The following ROBO2 variants were observed in gnomAD, a reference collection of about 807,000 sequenced individuals.
ROBO2 encodes roundabout guidance receptor 2.
ROBO2 carries 53 observed loss-of-function variants against 160.8 expected under a neutral mutation model. The observed-to-expected ratio is 0.33, with a 90% CI of 0.26 to 0.41. The LOEUF is 0.41. Ranked by LOEUF, ROBO2 falls within the 10% of genes least tolerant of loss-of-function variation. The probability of loss-of-function intolerance (pLI) is 1.00; values close to 1 mark genes in which losing one functional copy is unlikely to be tolerated. For missense variants in ROBO2, 1,577 were observed against 1,722.4 expected (o/e 0.92, Z 1.49); for synonymous variants, 664 against 611.7 (o/e 1.09, Z -1.26).
intron 2 of ROBO2, among the ~76,000 whole-genome samples, chr3:76,546,664 A>T (rs987585991): frequency 1.3e-5 from 2 of 151,890 alleles, no homozygotes; most frequent in African/African-American, 2.4e-5. Context: ...TAACCTCCTC[A>T]ATTTATGGCA....
At chr3:76,830,613 T>C (rs1447021595) in intron 2 of ROBO2, among the ~76,000 whole-genome samples, 1 of 152,102 alleles carries the variant, frequency 6.6e-6, no homozygotes, top group African/African-American at 2.4e-5. Flanking sequence ...TTCTCTCCTC[T>C]ATGACTTTCC....
chr3:77,268,028 G>A, intron 2 of ROBO2, among the ~76,000 whole-genome samples: 1 of 152,180 alleles, frequency 6.6e-6, no homozygotes, highest in Admixed American at 6.5e-5. Flanking sequence ...GCAAATTGTT[G>A]TAAAATGCTG....
At chr3:76,073,732 G>C (rs1254332702) in intron 2 of ROBO2, among the ~76,000 whole-genome samples, 2 of 152,152 alleles carry the variant, frequency 1.3e-5, no homozygotes, top group African/African-American at 4.8e-5. Context: ...AGTGAGCTTT[G>C]AATTTATGTC....
At chr3:76,343,159 CAA>C (rs1263608095) in intron 2 of ROBO2, among the ~76,000 whole-genome samples, 1 of 152,022 alleles carries the variant, frequency 6.6e-6, no homozygotes, top group Non-Finnish European at 1.5e-5. Context: ...GCTAATATTA[CAA>C]ACCTCTACGT....
At chr3:76,367,458 A>G (rs943473535) in intron 2 of ROBO2, among the ~76,000 whole-genome samples, 2 of 151,966 alleles carry the variant, frequency 1.3e-5, no homozygotes, top group Non-Finnish European at 1.5e-5. Context: ...ATTGCGGGAT[A>G]CTAGAGATAA....
chr3:76,361,061 A>C, intron 2 of ROBO2, among the ~76,000 whole-genome samples: 1 of 152,088 alleles, frequency 6.6e-6, no homozygotes, highest in Non-Finnish European at 1.5e-5. Flanking sequence ...TTCTATTAGT[A>C]ATTTTTTTCA....
At chr3:76,466,583 CAA>C (rs1415537750) in intron 2 of ROBO2, among the ~76,000 whole-genome samples, 1 of 151,824 alleles carries the variant, frequency 6.6e-6, no homozygotes, top group Non-Finnish European at 1.5e-5. Context: ...ATCTGATAAT[CAA>C]TATTTTTATT....
chr3:76,832,540 G>A (rs1246767388), intron 2 of ROBO2, among the ~76,000 whole-genome samples: 1 of 152,088 alleles, frequency 6.6e-6, no homozygotes, highest in Non-Finnish European at 1.5e-5. Context: ...CTTGAGAAAG[G>A]GAACTTTCAT....
chr3:75,912,204 C>A (rs545358208), intron 1 of ROBO2, among the ~76,000 whole-genome samples: 1 of 152,276 alleles, frequency 6.6e-6, no homozygotes, highest in Non-Finnish European at 1.5e-5. Flanking sequence ...GATCACAGGA[C>A]AAAGTTTGAT....
intron 2 of ROBO2, among the ~76,000 whole-genome samples, chr3:76,113,844 C>T (rs555701614): frequency 3.9e-5 from 6 of 152,204 alleles, no homozygotes; most frequent in African/African-American, 1.4e-4. Flanking sequence ...GCTTGGCGCA[C>T]TCCCTGTGGT....
At chr3:76,497,605 G>C (rs2080223698) in intron 2 of ROBO2, among the ~76,000 whole-genome samples, 1 of 152,202 alleles carries the variant, frequency 6.6e-6, no homozygotes, top group African/African-American at 2.4e-5. Context: ...GTAGTGCTCA[G>C]TTATTTGGGC....
intron 2 of ROBO2, among the ~76,000 whole-genome samples, chr3:76,072,297 T>C (rs1247517040): frequency 6.6e-6 from 1 of 152,146 alleles, no homozygotes; most frequent in Non-Finnish European, 1.5e-5. Flanking sequence ...TTATTTCCTT[T>C]AGGATATAAA....
At chr3:76,288,373 C>T (rs532435215) in intron 2 of ROBO2, among the ~76,000 whole-genome samples, 232 of 152,206 alleles carry the variant, frequency 1.5e-3, no homozygotes, top group South Asian at 3.3e-3. Context: ...TCTGTTCAAA[C>T]CTCAGATAAT....
chr3:76,435,029 G>A, intron 2 of ROBO2: 1 of 1,392,150 alleles, frequency 7.2e-7, no homozygotes, highest in Middle Eastern at 1.8e-4. Context: ...TGGTGATTGA[G>A]GATGCAGAGC....
rs368940823 is a variant in ROBO2 at position 76,823,507 on chromosome 3, T to C, written c.110-274507T>C. Among the ~76,000 whole-genome samples the C allele has an allele frequency of 1.4e-4, 21 of 152,280 alleles. No individual in the cohort carries two copies. In the East Asian group the frequency reaches 2.3e-3, roughly 17 times the overall value. On this transcript the variant is annotated intron_variant, in intron 2 of 26. Transcript: ENST00000487694. ...AGACAGGAGGGTTCTCACTCAGAAA[T>C]TGATATTTGGCCTGTGCTTTGTTCA...
At chr3:75,970,819 G>T (rs557263736) in intron 2 of ROBO2, among the ~76,000 whole-genome samples, 31 of 150,638 alleles carry the variant, frequency 2.1e-4, no homozygotes, top group Admixed American at 4.7e-4. Flanking sequence ...AGCATTTAAA[G>T]ACCAAAAGCC....
chr3:76,265,387 A>G (rs1195569929), intron 2 of ROBO2, among the ~76,000 whole-genome samples: 1 of 152,180 alleles, frequency 6.6e-6, no homozygotes, highest in Non-Finnish European at 1.5e-5. Flanking sequence ...ATTTTATAAA[A>G]GTATCTTCAA....
At chr3:76,264,814 A>G (rs896131057) in intron 2 of ROBO2, among the ~76,000 whole-genome samples, 5 of 152,088 alleles carry the variant, frequency 3.3e-5, no homozygotes, top group African/African-American at 1.2e-4. Flanking sequence ...GGAATGATTA[A>G]AGTGGCTTTT....
chr3:77,288,916 A>G (rs377431439), intron 2 of ROBO2, among the ~76,000 whole-genome samples: 17 of 140,548 alleles, frequency 1.2e-4, no homozygotes, highest in East Asian at 7.7e-4. Context: ...GTTAGAAGTA[A>G]AGTTGTCAAT....
Sources: allele counts gnomAD v4.1 joint callset (sites outside exome capture counted in the v4.1 genomes callset), GRCh38; gene constraint gnomAD v4.1.1; transcripts MANE v1.5; gene names NCBI Gene and HGNC (gene_info 2026-07-23, HGNC 2026-07-21).